The following NRG1 variants were observed in gnomAD, a reference collection of about 807,000 sequenced individuals.
The protein encoded by NRG1 is neuregulin 1, also known as pro-neuregulin-1, membrane-bound isoform.
In NRG1, 18 loss-of-function variants were observed where a neutral mutation model predicts 63.8. The ratio of observed to expected loss-of-function variants is 0.28; its 90% CI spans 0.19 to 0.42. The LOEUF (loss-of-function observed/expected upper bound fraction) is 0.42, where lower values mean the gene tolerates loss of function less well. Among genes scored for constraint, NRG1 ranks in the 10% least tolerant of loss-of-function variants. The pLI is 1.00. For missense variants in NRG1, 762 were observed against 814.7 expected, an observed-to-expected ratio of 0.94 and a Z score of 0.79; for synonymous variants, 302 against 301.3, an observed-to-expected ratio of 1.00 and a Z score of -0.02.
intron 1 of NRG1, among the ~76,000 whole-genome samples, chr8:32,040,727 T>TGAAATTTAGGTGC (rs1563713128): frequency 8.8e-6 from 1 of 113,686 alleles, no homozygotes; most frequent in South Asian, 2.7e-4. Flanking sequence ...TATATATATA[T>TGAAATTTAGGTGC]ATATATATAT....
chr8:32,566,157 G>T (rs1275919222), intron 1 of NRG1, among the ~76,000 whole-genome samples: 2 of 151,990 alleles, frequency 1.3e-5, no homozygotes, highest in Non-Finnish European at 2.9e-5. Flanking sequence ...AGGAGTTCGT[G>T]ACCAGCCTGA....
At chr8:32,365,182 C>T (rs117826363) in intron 1 of NRG1, among the ~76,000 whole-genome samples, 1 of 152,170 alleles carries the variant, frequency 6.6e-6, no homozygotes, top group East Asian at 1.9e-4. Context: ...GCCAACTTGC[C>T]CAGCCCTGTA....
At chr8:32,126,534 C>T (rs1834089405) in intron 1 of NRG1, among the ~76,000 whole-genome samples, 1 of 151,860 alleles carries the variant, frequency 6.6e-6, no homozygotes. Flanking sequence ...AATGCCAGTA[C>T]TTTCCACAAA....
intron 1 of NRG1, among the ~76,000 whole-genome samples, chr8:32,031,462 GC>G (rs1413447633): frequency 6.6e-6 from 1 of 152,112 alleles, no homozygotes; most frequent in Admixed American, 6.5e-5. Flanking sequence ...ACGGGCAGCT[GC>G]CCCTCCCACA....
intron 1 of NRG1, among the ~76,000 whole-genome samples, chr8:32,128,835 A>T (rs1834436933): frequency 6.6e-6 from 1 of 151,956 alleles, no homozygotes; most frequent in African/African-American, 2.4e-5. Flanking sequence ...GACCATTGGT[A>T]TCTTTCTTCT....
chr8:32,591,372 T>A (rs555399368), intron 1 of NRG1, among the ~76,000 whole-genome samples: 1 of 152,248 alleles, frequency 6.6e-6, no homozygotes, highest in African/African-American at 2.4e-5. Context: ...GAAATGTTCA[T>A]ACATCAGGGT....
rs1205491423 is a variant in NRG1 at position 32,233,560 on chromosome 8, TATA to T, written c.38-362267_38-362265del. On this transcript the variant is annotated intron_variant, in intron 1 of 10. Transcript: ENST00000519301. ...GAATATATATATATATATATATATA[TATA>T]TTTTTTTTTTTTTTTCTTTTGAAAC... Among the ~76,000 whole-genome samples, 198 of 61,648 alleles carry T rather than the reference TATA, an allele frequency of 3.2e-3. 1 individual carries two copies. The highest frequency in any genetic ancestry group is 0.013 in the African/African-American group (136 of 10,390). The allele number at this position is 61,648 out of a possible 152,430, so 40.4% of individuals were successfully genotyped here.
intron 1 of NRG1, among the ~76,000 whole-genome samples, chr8:31,729,820 C>A (rs376245626): frequency 5.3e-5 from 8 of 152,220 alleles, no homozygotes; most frequent in African/African-American, 1.9e-4. Flanking sequence ...AGGATCTGTT[C>A]ATCTGCTGAA....
intron 1 of NRG1, among the ~76,000 whole-genome samples, chr8:32,517,724 T>G (rs1418906239): frequency 6.6e-6 from 1 of 152,168 alleles, no homozygotes; most frequent in Admixed American, 6.6e-5. Context: ...CATAAAATAA[T>G]GAAATGCTAT....
chr8:32,486,864 A>G lies in NRG1; in HGVS notation c.38-108964A>G, dbSNP rs1825962867. Among the ~76,000 whole-genome samples, 4 of 152,058 alleles carry G rather than the reference A, an allele frequency of 2.6e-5. No homozygotes were observed. In the South Asian group the frequency reaches 8.3e-4, roughly 32 times the overall value. The stretch of plus-strand genomic sequence containing the variant: ...GGTCTCAAATTCCTGACCTCAAGCA[A>G]TTCACTTGCCACAGCCTCCCAAAGT... On this transcript the variant is annotated intron_variant, in intron 1 of 10. Transcript: ENST00000519301.
At chr8:32,420,261 G>A (rs1386113600) in intron 1 of NRG1, among the ~76,000 whole-genome samples, 1 of 152,066 alleles carries the variant, frequency 6.6e-6, no homozygotes, top group African/African-American at 2.4e-5. Context: ...CACTTCCCTT[G>A]GGGGTTGTTT....
intron 1 of NRG1, among the ~76,000 whole-genome samples, chr8:32,040,025 A>G (rs898043638): frequency 6.6e-6 from 1 of 152,068 alleles, no homozygotes; most frequent in African/African-American, 2.4e-5. Context: ...CTGTCTCAAA[A>G]CCAGAAAACA....
At chr8:31,823,452 T>C (rs78317802) in intron 1 of NRG1, among the ~76,000 whole-genome samples, 2,947 of 152,244 alleles carry the variant, frequency 0.019, 49 homozygotes, top group Middle Eastern at 0.037. Flanking sequence ...GAATACTACA[T>C]TGTTTTATAT....
At chr8:32,725,724 T>C (rs888019434) in intron 5 of NRG1, among the ~76,000 whole-genome samples, 1 of 152,104 alleles carries the variant, frequency 6.6e-6, no homozygotes, top group East Asian at 1.9e-4. Context: ...TCCTCCCATC[T>C]CGGCCTCCCA....
chr8:32,759,052 GGGC>G (rs1830192087), intron 9 of NRG1, among the ~76,000 whole-genome samples: 1 of 151,980 alleles, frequency 6.6e-6, no homozygotes, highest in South Asian at 2.1e-4. Flanking sequence ...TTGGAATGAT[GGGC>G]CGTACATTGG....
At chr8:32,771,877 G>A (rs1831829733), downstream of NRG1, among the ~76,000 whole-genome samples, 1 of 147,194 alleles carries the variant, frequency 6.8e-6, no homozygotes, top group Non-Finnish European at 1.5e-5. Flanking sequence ...ACAAAAATTA[G>A]CCGGGCGTGG....
intron 5 of NRG1, among the ~76,000 whole-genome samples, chr8:32,683,548 G>A (rs1809273010): frequency 6.6e-6 from 1 of 152,152 alleles, no homozygotes; most frequent in African/African-American, 2.4e-5. Flanking sequence ...TGGATATTCA[G>A]ACTCCACATT....
At chr8:32,024,736 G>A (rs924459957) in intron 1 of NRG1, among the ~76,000 whole-genome samples, 2 of 152,090 alleles carry the variant, frequency 1.3e-5, no homozygotes, top group African/African-American at 2.4e-5. Context: ...AGAATAAGAA[G>A]TAAAATATTC....
At position 31,812,520 on chromosome 8, in the gene NRG1, T is replaced by A. The variant is rs1445891439; in HGVS notation, c.37+173089T>A. ...CAATTAGGGGTTTTTCCAGTCTCAT[T>A]TCATTTCATTTCATTTGCTTCCTTT... On this transcript the variant is annotated intron_variant, in intron 1 of 10. Transcript: ENST00000519301. Among the ~76,000 whole-genome samples, 4 of 149,208 alleles carry A rather than the reference T, an allele frequency of 2.7e-5. No homozygotes were observed. The East Asian group carries it at 8.0e-4, about 30-fold the overall frequency.
Sources: gnomAD v4.1 joint callset for allele counts (sites outside exome capture counted in the v4.1 genomes callset) on GRCh38, gnomAD v4.1.1 for gene constraint, MANE v1.5 for transcripts, NCBI Gene and HGNC (gene_info 2026-07-23, HGNC 2026-07-21) for gene names.